SLC2A9: variants seen among roughly 807,000 people sequenced by gnomAD.
SLC2A9 encodes the protein solute carrier family 2 member 9, also known as solute carrier family 2, facilitated glucose transporter member 9.
A neutral mutation model predicts 50.6 loss-of-function variants in SLC2A9; 39 were observed. The ratio of observed to expected loss-of-function variants is 0.77; its 90% CI spans 0.60 to 1.01. The LOEUF is 1.01. Ranked by LOEUF, SLC2A9 falls within the 50% of genes least tolerant of loss-of-function variation. SLC2A9 has a pLI of 0.00. For synonymous variants in SLC2A9, 324 were observed against 276.9 expected, an observed-to-expected ratio of 1.17 and a Z score of -1.69; for missense variants, 686 against 677.6, an observed-to-expected ratio of 1.01 and a Z score of -0.14.
In SLC2A9 at chr4:9,996,920, C is replaced by T. The variant is rs1323937753; in HGVS notation, c.271G>A (p.Glu91Lys). ...PTPYIKAFYNESWERRHGRPI... is the reference protein window; with the variant it reads ...PTPYIKAFYNKSWERRHGRPI... ...CGTCCATGCCTTCTTTCCCATGACT[C>T]ATTGTAAAAGGCCTTGATGTACTGA... The change falls in exon 3 of 12, where the codon GAG (glutamate) becomes AAG (lysine). Residue 91 changes from glutamate (E) to lysine (K), a missense_variant. Glu to Lys is a moderately conservative substitution (Grantham distance 56, BLOSUM62 1). Coordinates refer to ENST00000264784, the MANE Select transcript of SLC2A9 (RefSeq NM_020041.3). 3 of 1,614,096 alleles carry T rather than the reference C, an allele frequency of 1.9e-6. No homozygotes were observed. In the South Asian group the frequency reaches 3.3e-5, roughly 18 times the overall value.
rs1205525374 is a variant in SLC2A9, at chr4:9,913,363, GAGAGAGAA to G, written c.1003-5026_1003-5019del. Among the ~76,000 whole-genome samples the G allele has an allele frequency of 2.1e-3, 312 of 151,730 alleles. 1 individual carries two copies. The highest frequency in any genetic ancestry group is 3.4e-3 in the Non-Finnish European group (231 of 67,898). On this transcript the variant is annotated intron_variant, in intron 7 of 11. Transcript: ENST00000264784. ...AGAGAGAGAGAGAGAGAGACAGAGA[GAGAGAGAA>G]ACAGATAGAGAGAGATAAAGAGAGA...
intron 11 of SLC2A9, among the ~76,000 whole-genome samples, chr4:9,829,750 A>G (rs1456750229): frequency 2.0e-5 from 3 of 152,186 alleles, no homozygotes; most frequent in Non-Finnish European, 4.4e-5. Context: ...TGGCCAAAAA[A>G]CATATGAAAA....
chr4:10,022,729 G>A (rs1393821276), upstream of SLC2A9, among the ~76,000 whole-genome samples: 1 of 152,168 alleles, frequency 6.6e-6, no homozygotes, highest in Non-Finnish European at 1.5e-5. Flanking sequence ...TAAAATAAAA[G>A]GTGTGGAGTA....
At chr4:9,931,913 A>ACTCCCTCTCTCT (rs1746004234) in intron 6 of SLC2A9, among the ~76,000 whole-genome samples, 1 of 15,686 alleles carries the variant, frequency 6.4e-5, no homozygotes, top group Non-Finnish European at 1.1e-4. Flanking sequence ...AATGAGAATG[A>ACTCCCTCTCTCT]CTCTCTCTCT....
chr4:9,806,864 T>A (rs540230229), intron 3 of SLC2A9, among the ~76,000 whole-genome samples: 7 of 152,296 alleles, frequency 4.6e-5, no homozygotes, highest in African/African-American at 1.7e-4. Flanking sequence ...GAACTCAAAA[T>A]AGCTTCTCCA....
At chr4:9,946,223 G>A (rs899160511) in intron 5 of SLC2A9, among the ~76,000 whole-genome samples, 11 of 125,198 alleles carry the variant, frequency 8.8e-5, no homozygotes, top group Non-Finnish European at 1.3e-4. Context: ...CAGGTCAGGC[G>A]AATGGGCTTT....
At chr4:9,785,373 A>T (rs1719087432) in intron 3 of SLC2A9, among the ~76,000 whole-genome samples, 2 of 152,232 alleles carry the variant, frequency 1.3e-5, no homozygotes, top group Admixed American at 1.3e-4. Context: ...CCTGTGCATG[A>T]TGCATCCTCC....
At chr4:9,925,705 C>T (rs1389572983) in intron 6 of SLC2A9, among the ~76,000 whole-genome samples, 1 of 152,148 alleles carries the variant, frequency 6.6e-6, no homozygotes, top group Non-Finnish European at 1.5e-5. Flanking sequence ...GAATGTACAT[C>T]CAACCCATGT....
At chr4:9,956,098 C>G (rs1339213699) in intron 5 of SLC2A9, among the ~76,000 whole-genome samples, 1 of 151,524 alleles carries the variant, frequency 6.6e-6, no homozygotes, top group Non-Finnish European at 1.5e-5. Flanking sequence ...AAGCTTGTCT[C>G]AAACTCCTGA....
chr4:9,823,987 G>A (rs1297666549), downstream of SLC2A9, among the ~76,000 whole-genome samples: 1 of 152,148 alleles, frequency 6.6e-6, no homozygotes, highest in African/African-American at 2.4e-5. Flanking sequence ...CCTTAATGTG[G>A]CTGCTGTGGT....
intron 10 of SLC2A9, among the ~76,000 whole-genome samples, chr4:9,846,710 T>C (rs772557053): frequency 2.6e-5 from 4 of 152,326 alleles, no homozygotes; most frequent in East Asian, 1.9e-4. Context: ...GCTAAGACCA[T>C]TGGCACTAAC....
At chr4:9,774,933 C>T (rs866978248), downstream of SLC2A9, among the ~76,000 whole-genome samples, 2 of 152,118 alleles carry the variant, frequency 1.3e-5, no homozygotes, top group Non-Finnish European at 1.5e-5. Context: ...AGCCACCCAG[C>T]CAAAAGAAAC....
chr4:9,958,524 G>A (rs1751699601), intron 5 of SLC2A9, among the ~76,000 whole-genome samples: 1 of 152,138 alleles, frequency 6.6e-6, no homozygotes, highest in African/African-American at 2.4e-5. Context: ...ATAACATTAG[G>A]AGAAATACCT....
chr4:9,886,312 G>A (rs1469475312), intron 10 of SLC2A9, among the ~76,000 whole-genome samples: 3 of 152,174 alleles, frequency 2.0e-5, no homozygotes, highest in Admixed American at 6.5e-5. Context: ...TTTACTCCTC[G>A]CGTCCACTGT....
chr4:9,810,657 A>G (rs903620332), intron 3 of SLC2A9, among the ~76,000 whole-genome samples: 3 of 152,252 alleles, frequency 2.0e-5, no homozygotes, highest in African/African-American at 7.2e-5. Context: ...AGTTTGCTGG[A>G]AGCCAAGTTA....
intron 10 of SLC2A9, among the ~76,000 whole-genome samples, chr4:9,837,899 G>A (rs947488058): frequency 1.3e-5 from 2 of 152,144 alleles, no homozygotes; most frequent in African/African-American, 4.8e-5. Flanking sequence ...ATAGTGGACT[G>A]GAGCTTGGGC....
intron 8 of SLC2A9, among the ~76,000 whole-genome samples, chr4:9,894,531 G>C (rs1738152067): frequency 6.6e-6 from 1 of 152,204 alleles, no homozygotes. Context: ...AGATTTAGTT[G>C]AAGTGTTGGA....
rs140279023 is a variant in SLC2A9, at chr4:9,866,304, G to A, written c.1291+21263C>T. On this transcript the variant is annotated intron_variant, in intron 10 of 11. Coordinates refer to ENST00000264784, the MANE Select transcript of SLC2A9 (RefSeq NM_020041.3). ...CTCCCCTCTGTTGAGAACACTCTGGGCACACCTCCTCCAATATGTTAATCC... is the reference window on the plus strand; with the variant it reads ...CTCCCCTCTGTTGAGAACACTCTGGACACACCTCCTCCAATATGTTAATCC... 1.5e-4 allele frequency among the ~76,000 whole-genome samples: 23 copies of A among 151,886 alleles called. 1 individual carries two copies. The Middle Eastern group carries it at 0.017, about 114-fold the overall frequency.
At chr4:9,785,961 G>C (rs1719167870) in intron 3 of SLC2A9, among the ~76,000 whole-genome samples, 1 of 152,200 alleles carries the variant, frequency 6.6e-6, no homozygotes, top group Non-Finnish European at 1.5e-5. Flanking sequence ...TGCATGAAGA[G>C]AGACCTTGAC....
Sources: gnomAD v4.1 joint callset for allele counts (sites outside exome capture counted in the v4.1 genomes callset) on GRCh38, gnomAD v4.1.1 for gene constraint, MANE v1.5 for transcripts, NCBI Gene and HGNC (gene_info 2026-07-23, HGNC 2026-07-21) for gene names.